Variants in EXOC4 observed in about 807,000 individuals in gnomAD.
The protein encoded by EXOC4 is exocyst complex component 4, also known as SEC8-like 1.
In EXOC4, 71 loss-of-function variants were observed where a neutral mutation model predicts 107.2. The ratio of observed to expected loss-of-function variants is 0.66; its 90% CI spans 0.55 to 0.81. The LOEUF is 0.81. Ranked by LOEUF, EXOC4 falls within the 30% of genes least tolerant of loss-of-function variation. The probability of loss-of-function intolerance (pLI) is 0.00; values close to 1 mark genes in which losing one functional copy is unlikely to be tolerated. For missense variants in EXOC4, 1,108 were observed against 1,189.6 expected (o/e 0.93, Z 1.01); for synonymous variants, 456 against 441.2 (o/e 1.03, Z -0.42).
intron 9 of EXOC4, among the ~76,000 whole-genome samples, chr7:133,529,892 A>G (rs1457306033): frequency 6.6e-6 from 1 of 152,188 alleles, no homozygotes; most frequent in Non-Finnish European, 1.5e-5. Context: ...AATAGCAACC[A>G]GGTGCTTTCT....
intron 11 of EXOC4, among the ~76,000 whole-genome samples, chr7:133,875,739 A>C (rs761126868): frequency 1.9e-4 from 29 of 152,132 alleles, no homozygotes; most frequent in Non-Finnish European, 2.9e-4. Flanking sequence ...CTTCCTGTAA[A>C]CCTAGCTTTG....
At chr7:133,303,297 G>A (rs1295242671) in intron 3 of EXOC4, among the ~76,000 whole-genome samples, 1 of 152,168 alleles carries the variant, frequency 6.6e-6, no homozygotes, top group Non-Finnish European at 1.5e-5. Context: ...AGCTGGGCAT[G>A]GGGGCAGGCA....
At chr7:133,999,921 A>G (rs1794493288) in intron 15 of EXOC4, among the ~76,000 whole-genome samples, 1 of 152,182 alleles carries the variant, frequency 6.6e-6, no homozygotes, top group Admixed American at 6.5e-5. Flanking sequence ...ACAAGAAACT[A>G]TACAGTGCTA....
intron 5 of EXOC4, among the ~76,000 whole-genome samples, chr7:133,334,086 A>T (rs1795454445): frequency 6.6e-6 from 1 of 152,164 alleles, no homozygotes; most frequent in Non-Finnish European, 1.5e-5. Flanking sequence ...TTCATTTGTT[A>T]CTGTTTTTAT....
intron 10 of EXOC4, among the ~76,000 whole-genome samples, chr7:133,796,845 G>A (rs1314963633): frequency 5.3e-5 from 8 of 152,174 alleles, no homozygotes; most frequent in African/African-American, 9.7e-5. Flanking sequence ...CCCCAGTTAC[G>A]TGCCTGGGAA....
intron 8 of EXOC4, among the ~76,000 whole-genome samples, chr7:133,476,667 G>A (rs1325420171): frequency 6.6e-6 from 1 of 152,178 alleles, no homozygotes; most frequent in East Asian, 1.9e-4. Flanking sequence ...TTTATTGAAT[G>A]CATTCCTTTT....
intron 10 of EXOC4, among the ~76,000 whole-genome samples, chr7:133,790,221 C>T (rs1390995448): frequency 1.3e-5 from 2 of 152,086 alleles, no homozygotes; most frequent in Non-Finnish European, 2.9e-5. Context: ...TTTTTAGGAG[C>T]GATAGAGCAT....
chr7:134,030,802 G>A (rs1421476118), intron 17 of EXOC4, among the ~76,000 whole-genome samples: 1 of 151,246 alleles, frequency 6.6e-6, no homozygotes, highest in Non-Finnish European at 1.5e-5. Flanking sequence ...CTTTGTTATC[G>A]ACCCTTTGCT....
intron 3 of EXOC4, 40 bp from the exon 4 acceptor site, chr7:133,305,837 A>G: frequency 6.7e-7 from 1 of 1,498,816 alleles, no homozygotes; most frequent in South Asian, 1.3e-5. Flanking sequence ...CCAGGTTATT[A>G]AGTTGTACTT....
chr7:133,949,461 A>C (rs1800636493), intron 14 of EXOC4, among the ~76,000 whole-genome samples: 1 of 152,198 alleles, frequency 6.6e-6, no homozygotes, highest in Non-Finnish European at 1.5e-5. Context: ...TGAAAAACCT[A>C]AGTGTCTTTA....
chr7:133,812,315 C>G (rs905032021), intron 10 of EXOC4, among the ~76,000 whole-genome samples: 1 of 152,170 alleles, frequency 6.6e-6, no homozygotes, highest in African/African-American at 2.4e-5. Context: ...ATTAAACCAT[C>G]AAAACAATCT....
At chr7:133,395,811 A>C (rs1253259667) in intron 7 of EXOC4, among the ~76,000 whole-genome samples, 1 of 152,166 alleles carries the variant, frequency 6.6e-6, no homozygotes, top group Non-Finnish European at 1.5e-5. Context: ...ATTTTTATGA[A>C]AAAGGGTAGG....
At chr7:133,844,997 C>T (rs1468573538) in intron 11 of EXOC4, among the ~76,000 whole-genome samples, 4 of 151,996 alleles carry the variant, frequency 2.6e-5, no homozygotes, top group Admixed American at 6.6e-5. Context: ...TTAACTCGAG[C>T]CTGAAAATCC....
intron 17 of EXOC4, among the ~76,000 whole-genome samples, chr7:134,046,858 G>A (rs976690886): frequency 5.9e-5 from 9 of 152,276 alleles, no homozygotes; most frequent in South Asian, 2.1e-4. Flanking sequence ...GGAGTGGGGC[G>A]GGCTGTAGGG....
intron 14 of EXOC4, among the ~76,000 whole-genome samples, chr7:133,940,777 A>T (rs993505685): frequency 1.4e-5 from 2 of 147,136 alleles, no homozygotes; most frequent in East Asian, 2.0e-4. Flanking sequence ...GCTTTTTATT[A>T]TTTTTTTTTT....
chr7:133,255,891 G>A (rs565315583), intron 1 of EXOC4, among the ~76,000 whole-genome samples: 3 of 152,060 alleles, frequency 2.0e-5, no homozygotes, highest in Non-Finnish European at 4.4e-5. Context: ...TTAGTAAATT[G>A]TGCTGTCACT....
chr7:134,097,392 T>C, the EXOC4 span, among the ~76,000 whole-genome samples: 68 of 151,748 alleles, frequency 4.5e-4, no homozygotes, highest in African/African-American at 1.6e-3. Flanking sequence ...AAAAAGTTCA[T>C]GGGTAGCAGT....
intron 1 of EXOC4, among the ~76,000 whole-genome samples, chr7:133,259,479 G>A (rs1238009404): frequency 6.6e-6 from 1 of 151,790 alleles, no homozygotes; most frequent in African/African-American, 2.4e-5. Context: ...GGCCTGCCTC[G>A]GCCTCCCAAA....
At chr7:133,432,216 AG>A (rs546082738) in intron 7 of EXOC4, among the ~76,000 whole-genome samples, 47 of 152,172 alleles carry the variant, frequency 3.1e-4, no homozygotes, top group Admixed American at 1.2e-3. Flanking sequence ...TGGGATAGTG[AG>A]GAAAAAAAAA....
Sources: gnomAD v4.1 joint callset for allele counts (sites outside exome capture counted in the v4.1 genomes callset) on GRCh38, gnomAD v4.1.1 for gene constraint, MANE v1.5 for transcripts, NCBI Gene and HGNC (gene_info 2026-07-23, HGNC 2026-07-21) for gene names.